CATSPERD: variants seen among roughly 807,000 people sequenced by gnomAD.
The protein encoded by CATSPERD is cation channel sperm-associated auxiliary subunit delta.
Under a neutral mutation model 98.1 loss-of-function variants are expected in CATSPERD, and 86 were observed. That is an observed-to-expected ratio of 0.88 (90% CI 0.74 to 1.05). The LOEUF is 1.05. CATSPERD is among the 50% of genes least tolerant of loss of function. The probability of loss-of-function intolerance (pLI) is 0.00; values close to 1 mark genes in which losing one functional copy is unlikely to be tolerated. For missense variants in CATSPERD, 995 were observed against 1,005.7 expected, an observed-to-expected ratio of 0.99 and a Z score of 0.14; for synonymous variants, 394 against 390.2, an observed-to-expected ratio of 1.01 and a Z score of -0.12.
chr19:5,765,678 G>A (rs1433648600), intron 16 of CATSPERD, among the ~76,000 whole-genome samples: 1 of 151,900 alleles, frequency 6.6e-6, no homozygotes, highest in African/African-American at 2.4e-5. Context: ...CGGGTGTGCT[G>A]GTAGGCGCCT....
intron 14 of CATSPERD, 139 bp from the exon 15 acceptor site, chr19:5,758,944 AAAG>A: frequency 4.8e-6 from 3 of 630,034 alleles, no homozygotes; most frequent in South Asian, 2.0e-5. Flanking sequence ...AAAAAAAAAA[AAAG>A]GAACAGAGTG....
chr19:5,763,993 C>T (rs1330731944), intron 16 of CATSPERD, among the ~76,000 whole-genome samples: 2 of 151,392 alleles, frequency 1.3e-5, no homozygotes, highest in Admixed American at 1.3e-4. Flanking sequence ...GGATTACAAG[C>T]ATGTGCCACC....
intron 20 of CATSPERD, among the ~76,000 whole-genome samples, chr19:5,774,580 T>C (rs557906431): frequency 1.2e-3 from 188 of 152,086 alleles, no homozygotes; most frequent in Non-Finnish European, 2.3e-3. Flanking sequence ...TCCCAGTTAC[T>C]GGGGAGCTTG....
intron 15 of CATSPERD, among the ~76,000 whole-genome samples, chr19:5,760,704 T>C (rs1039901005): frequency 3.3e-5 from 5 of 151,988 alleles, no homozygotes; most frequent in African/African-American, 4.8e-5. Flanking sequence ...GTAGTTAATA[T>C]TGATGAATGG....
In CATSPERD at chr19:5,744,525, A is replaced by G; in HGVS notation, c.657+15A>G. On this transcript the variant is annotated intron_variant, in intron 8 of 21. Coordinates refer to ENST00000381624, the MANE Select transcript of CATSPERD (RefSeq NM_152784.4). Reference sequence around the variant, plus strand: ...ATCAAGGGAAGGTAAGTAACTGCAGAGGGAAGAACTACTCAGAGGACCTTT... The same window carrying G: ...ATCAAGGGAAGGTAAGTAACTGCAGGGGGAAGAACTACTCAGAGGACCTTT... The G allele has an allele frequency of 2.5e-6, 4 of 1,597,628 alleles. No individual in the cohort carries two copies. The highest frequency in any genetic ancestry group is 3.4e-6 in the Non-Finnish European group (4 of 1,167,014).
chr19:5,771,277 C>G (rs551736671), intron 19 of CATSPERD, among the ~76,000 whole-genome samples: 1 of 152,316 alleles, frequency 6.6e-6, no homozygotes, highest in East Asian at 1.9e-4. Flanking sequence ...GAGACAGGGT[C>G]TTGCTCTGTC....
Position 5,776,159 on chromosome 19 carries a change from A to G in CATSPERD, c.1942-2A>G. ...CAGTGGGCATGTCTCTGTCCCCCAC[A>G]GAACTATGTGAGCTGCCACGACCCC... On this transcript the variant is annotated splice_acceptor_variant, in intron 20 of 21. Coordinates refer to ENST00000381624, the MANE Select transcript of CATSPERD (RefSeq NM_152784.4). LOFTEE classifies it high-confidence loss of function. The G allele has an allele frequency of 1.2e-6, 2 of 1,614,048 alleles. No homozygotes were observed. Among genetic ancestry groups the G allele is most frequent in the Non-Finnish European group, 1.7e-6 (2 of 1,179,924 alleles).
In CATSPERD at chr19:5,776,152, C is replaced by T; in HGVS notation, c.1942-9C>T. 1 of 1,613,708 alleles carries T rather than the reference C, an allele frequency of 6.2e-7. No homozygotes were observed. The highest frequency in any genetic ancestry group is 8.5e-7 in the Non-Finnish European group (1 of 1,179,712). On this transcript the variant is annotated splice_polypyrimidine_tract_variant and intron_variant, in intron 20 of 21. Coordinates refer to ENST00000381624, the MANE Select transcript of CATSPERD (RefSeq NM_152784.4). ...CTAGGGCCAGTGGGCATGTCTCTGTCCCCCACAGAACTATGTGAGCTGCCA... is the reference window on the plus strand; with the variant it reads ...CTAGGGCCAGTGGGCATGTCTCTGTTCCCCACAGAACTATGTGAGCTGCCA...
chr19:5,751,242 A>T (rs1430082474), intron 11 of CATSPERD, among the ~76,000 whole-genome samples: 1 of 96,776 alleles, frequency 1.0e-5, no homozygotes, highest in Admixed American at 1.2e-4. Flanking sequence ...AAAAAAAAAA[A>T]GGCCTGGCGC....
At position 5,778,560 on chromosome 19, in the gene CATSPERD, C is replaced by G. The variant is rs761964050; in HGVS notation, c.2281C>G (p.Gln761Glu). The change falls in exon 22 of 22, where the codon CAG becomes GAG. Residue 761 changes from glutamine (Q) to glutamate (E), a missense_variant. By Grantham distance (29) the Gln-to-Glu change is conservative (BLOSUM62 2). Transcript: ENST00000381624. The part of the protein sequence containing the change: ...RGRRIKKCAT[Q>E]LCRRCKTVCQ... ...CCGCAGGATCAAGAAGTGTGCGACA[C>G]AGCTGTGTAGGAGATGCAAGACGGT... 20 of 1,613,816 alleles carry G rather than the reference C, an allele frequency of 1.2e-5. No individual in the cohort carries two copies. The highest frequency in any genetic ancestry group is 1.6e-5 in the Non-Finnish European group (19 of 1,180,044).
chr19:5,756,950 A>C (rs112949056), intron 13 of CATSPERD, among the ~76,000 whole-genome samples: 3,514 of 151,198 alleles, frequency 0.023, 129 homozygotes, highest in African/African-American at 0.081. Context: ...CTCCAAAAAA[A>C]ATAAAAATAA....
At chr19:5,724,499 AC>A (rs2055565539) in intron 1 of CATSPERD, among the ~76,000 whole-genome samples, 1 of 151,994 alleles carries the variant, frequency 6.6e-6, no homozygotes, top group African/African-American at 2.4e-5. Context: ...GGAGTTCAGG[AC>A]CAGCCTGGCC....
In CATSPERD at chr19:5,754,145, C is replaced by T. The variant is rs765623311; in HGVS notation, c.1178C>T (p.Thr393Ile). ...HVGKCKIEFL[T>I]GEFIYRMYTI... Reference sequence around the variant, plus strand: ...CTTTTTAACTAGATAGAGTTTCTGACAGGAGAATTTATATACAGGATGTAT... The same window carrying T: ...CTTTTTAACTAGATAGAGTTTCTGATAGGAGAATTTATATACAGGATGTAT... Residue 393 changes from threonine (T) to isoleucine (I), a missense_variant, in exon 13 of 22, where the codon ACA (threonine) becomes ATA (isoleucine). By Grantham distance (89) the Thr-to-Ile change is moderately conservative (BLOSUM62 -1). Coordinates refer to ENST00000381624, the MANE Select transcript of CATSPERD (RefSeq NM_152784.4). 5.6e-6 allele frequency: 9 copies of T among 1,609,386 alleles called. 1 individual carries two copies. The South Asian group carries it at 9.9e-5, about 18-fold the overall frequency.
At chr19:5,732,322 C>G (rs1194319709) in intron 4 of CATSPERD, among the ~76,000 whole-genome samples, 1 of 151,910 alleles carries the variant, frequency 6.6e-6, no homozygotes, top group Non-Finnish European at 1.5e-5. Context: ...TGAGGTATCT[C>G]AGGGCACCCA....
chr19:5,733,608 T>TGCC (rs1006257576), intron 4 of CATSPERD, among the ~76,000 whole-genome samples: 12 of 151,770 alleles, frequency 7.9e-5, no homozygotes, highest in African/African-American at 1.2e-4. Context: ...AGGCACCTGC[T>TGCC]GCCACAACTG....
intron 15 of CATSPERD, among the ~76,000 whole-genome samples, chr19:5,761,271 T>C (rs2056427958): frequency 6.6e-6 from 1 of 152,124 alleles, no homozygotes; most frequent in Admixed American, 6.6e-5. Flanking sequence ...CCAGCTAATT[T>C]CTGTATTTTT....
At chr19:5,769,833 A>C (rs1164698447) in intron 18 of CATSPERD, among the ~76,000 whole-genome samples, 1 of 152,106 alleles carries the variant, frequency 6.6e-6, no homozygotes, top group Non-Finnish European at 1.5e-5. Context: ...TCATGCCTGT[A>C]ATCCCAGCAC....
At position 5,727,250 on chromosome 19, in the gene CATSPERD, T is replaced by A; in HGVS notation, c.127-18T>A. On this transcript the variant is annotated intron_variant, in intron 2 of 21. Transcript: ENST00000381624. ...TATGGTTATTGATATTATTAAGATT[T>A]TGTGATTATCTCTCTAGGACCGCCT... 6.3e-7 allele frequency: 1 copy of A among 1,587,366 alleles called. No homozygotes were observed. Among genetic ancestry groups the A allele is most frequent in the Non-Finnish European group, 8.6e-7 (1 of 1,157,664 alleles).
intron 3 of CATSPERD, among the ~76,000 whole-genome samples, chr19:5,729,046 G>T (rs1311215933): frequency 6.6e-6 from 1 of 151,306 alleles, no homozygotes; most frequent in Non-Finnish European, 1.5e-5. Flanking sequence ...TATGAGAAAT[G>T]CCATTCATGA....
Sources: gnomAD v4.1 joint callset for allele counts (sites outside exome capture counted in the v4.1 genomes callset) on GRCh38, gnomAD v4.1.1 for gene constraint, MANE v1.5 for transcripts, NCBI Gene and HGNC (gene_info 2026-07-23, HGNC 2026-07-21) for gene names.